Variants in DST observed in about 807,000 individuals in gnomAD.
DST encodes the protein dystonin.
A neutral mutation model predicts 875.2 loss-of-function variants in DST; 253 were observed. That is an observed-to-expected ratio of 0.29 (90% CI 0.26 to 0.32). DST has a LOEUF of 0.32. DST is among the 10% of genes least tolerant of loss of function. The pLI is 1.00. For missense variants in DST, 8,287 were observed against 9,111.6 expected, an observed-to-expected ratio of 0.91 and a Z score of 3.68; for synonymous variants, 3,124 against 3,197.1, an observed-to-expected ratio of 0.98 and a Z score of 0.77.
intron 4 of DST, among the ~76,000 whole-genome samples, chr6:56,747,346 A>T (rs2099575734): frequency 6.6e-6 from 1 of 152,116 alleles, no homozygotes; most frequent in Non-Finnish European, 1.5e-5. Flanking sequence ...GCCTTCCTGT[A>T]AGTGCAGTTG....
At chr6:56,855,029 G>T (rs1184338446) in intron 3 of DST, among the ~76,000 whole-genome samples, 1 of 152,214 alleles carries the variant, frequency 6.6e-6, no homozygotes, top group African/African-American at 2.4e-5. Context: ...AATTAGGGTA[G>T]TGAAGATAAA....
In DST at chr6:56,532,487, G is replaced by T. The variant is rs780127764; in HGVS notation, c.16965C>A (p.Asp5655Glu). 2 of 1,603,714 alleles carry T rather than the reference G, an allele frequency of 1.2e-6. No homozygotes were observed. The highest frequency in any genetic ancestry group is 8.5e-7 in the Non-Finnish European group (1 of 1,174,760). ...TGATTACCTCCACCGTAGATTTTCG[G>T]TCATCCAACAATCTCTGGAGAAGCT... ...EQKLLQRLLD[D>E]RKSTVEVIKR... is the part of the protein sequence containing the mutation. Residue 5655 changes from aspartate (D) to glutamate (E), a missense_variant, in exon 64 of 104, where the codon GAC (aspartate) becomes GAA (glutamate). Around this residue, in one of 10 missense-constraint regions of DST, gnomAD observed 777 missense variants for 764.8 expected, o/e 1.02. Transcript: ENST00000680361.
At chr6:56,735,162 C>A in intron 5 of DST, 66 bp downstream of exon 5, 1 of 1,072,996 alleles carries the variant, frequency 9.3e-7, no homozygotes, top group South Asian at 1.4e-5. Flanking sequence ...GCTATATAAT[C>A]AATTACTGCA....
intron 10 of DST, among the ~76,000 whole-genome samples, chr6:56,657,662 T>C (rs1232071483): frequency 2.0e-5 from 3 of 152,178 alleles, no homozygotes; most frequent in Non-Finnish European, 2.9e-5. Context: ...TGGATGGCGG[T>C]GATGGTTGTA....
intron 74 of DST, among the ~76,000 whole-genome samples, chr6:56,509,114 C>T (rs933395815): frequency 3.3e-5 from 5 of 152,090 alleles, no homozygotes; most frequent in African/African-American, 7.2e-5. Flanking sequence ...TAAAATTGTC[C>T]GTTCAGTCCC....
chr6:56,887,886 C>T (rs951454206), intron 3 of DST, among the ~76,000 whole-genome samples: 2 of 152,112 alleles, frequency 1.3e-5, no homozygotes, highest in African/African-American at 4.8e-5. Context: ...CATTCTTGTG[C>T]CCCTGTGCAT....
Position 56,672,311 on chromosome 6 carries a change from T to C in DST, c.1048-1504A>G, listed in dbSNP as rs559744591. 1.1e-4 allele frequency among the ~76,000 whole-genome samples: 16 copies of C among 152,286 alleles called. No individual in the cohort carries two copies. The East Asian group carries it at 1.4e-3, about 13-fold the overall frequency. On this transcript the variant is annotated intron_variant, in intron 9 of 103. Transcript: ENST00000680361. ...GTTCAGCAGAGGCTGCCATGCCCCA[T>C]GGAGCTTCACTCTCAGCCATAGTCT...
intron 4 of DST, among the ~76,000 whole-genome samples, chr6:56,777,157 A>C (rs2152985099): frequency 6.6e-6 from 1 of 152,232 alleles, no homozygotes; most frequent in East Asian, 1.9e-4. Flanking sequence ...ACTTGAATTA[A>C]CCCTGATTTA....
Position 56,477,502 on chromosome 6 carries a change from A to C in DST, c.21532-14T>G. The C allele has an allele frequency of 6.2e-7, 1 of 1,613,914 alleles. No individual in the cohort carries two copies. Among genetic ancestry groups the C allele is most frequent in the East Asian group, 2.2e-5 (1 of 44,884 alleles). ...CTTCATGAATTCCTACAGCAGAAAC[A>C]AAGACTTCAATTAACTGTTGGCATT... On this transcript the variant is annotated splice_polypyrimidine_tract_variant and intron_variant, in intron 90 of 103. Coordinates refer to ENST00000680361, the MANE Select transcript of DST (RefSeq NM_001374736.1).
chr6:56,628,206 A>G, intron 32 of DST, 45 bp from the exon 33 acceptor site: 2 of 1,549,004 alleles, frequency 1.3e-6, no homozygotes, highest in Non-Finnish European at 8.9e-7. Context: ...AGCGATATCC[A>G]TCAGGAGGGT....
chr6:56,771,702 A>T (rs562654387), intron 4 of DST, among the ~76,000 whole-genome samples: 4 of 152,224 alleles, frequency 2.6e-5, no homozygotes, highest in Admixed American at 6.5e-5. Context: ...TCACAACTAC[A>T]GGGAAAAAAC....
Position 56,608,096 on chromosome 6 carries a change from G to C in DST, c.6532C>G (p.Gln2178Glu). Residue 2178 changes from glutamine to glutamate, a missense_variant, in exon 40 of 104, where the codon CAA becomes GAA. Gln to Glu is a conservative substitution (Grantham distance 29). This residue lies in a region of DST where 3,138 missense variants were observed against 3,116.6 expected (regional missense o/e 1.01). Transcript: ENST00000680361. The part of the protein sequence containing the change: ...FQPSTVHDYR[Q>E]EEDVFDGEEP... The stretch of plus-strand genomic sequence containing the variant: ...TCTCCATCAAAAACATCCTCTTCTT[G>C]TCTGTAATCATGAACTGTGGAGGGT... 4.3e-6 allele frequency: 7 copies of C among 1,613,648 alleles called. No homozygotes were observed. The highest frequency in any genetic ancestry group is 5.1e-6 in the Non-Finnish European group (6 of 1,179,748).
Position 56,632,045 on chromosome 6 carries a change from G to C in DST, c.3806-5C>G. ...AAACTGATTCCTCTTGCTCCTCTGT[G>C]AAAATAAATATGTTTAGAAAATACC... is the stretch of plus-strand genomic sequence containing the variant. On this transcript the variant is annotated splice_polypyrimidine_tract_variant and splice_region_variant and intron_variant, in intron 28 of 103. Coordinates refer to ENST00000680361, the MANE Select transcript of DST (RefSeq NM_001374736.1). 6.2e-7 allele frequency: 1 copy of C among 1,607,244 alleles called. No individual in the cohort carries two copies. The highest frequency in any genetic ancestry group is 2.2e-5 in the East Asian group (1 of 44,816).
Position 56,734,969 on chromosome 6 carries a change from T to C in DST, c.687+259A>G, listed in dbSNP as rs16888135. 63,555 of 321,284 alleles carry C rather than the reference T, an allele frequency of 0.2. 8,356 individuals carry two copies. The highest frequency in any genetic ancestry group is 0.44 in the African/African-American group (19,877 of 45,468). The allele number at this position is 321,284 out of a possible 1,614,324, so 19.9% of individuals were successfully genotyped here. ...GATTTCTGAAACTTCTGAGATTTTA[T>C]AGATTCCAATAGTAACAGGTTTTAC... On this transcript the variant is annotated intron_variant, in intron 5 of 103. Coordinates refer to ENST00000680361, the MANE Select transcript of DST (RefSeq NM_001374736.1).
intron 27 of DST, among the ~76,000 whole-genome samples, 196 bp from the exon 28 acceptor site, chr6:56,633,233 C>CTTTTTTTTTTTTTTTT (rs61647189): frequency 9.4e-5 from 13 of 138,732 alleles, no homozygotes; most frequent in African/African-American, 3.6e-4. Context: ...GAGTTTCACT[C>CTTTTTTTTTTTTTTTT]TTTTTTTTTT....
rs372049401 is a variant in DST at position 56,492,423 on chromosome 6, T to C, written c.20561A>G (p.Asn6854Ser). ...CTGCTCACGATGAGAATTTACTTCA[T>C]TGGCAAAAACCTTTCCCAGAAAAAA... ...FQIDEHKVFA[N>S]EVNSHREQII... Residue 6854 changes from asparagine (N) to serine (S), a missense_variant, in exon 85 of 104, where the codon AAT becomes AGT. Transcript: ENST00000680361. 5.8e-5 allele frequency: 94 copies of C among 1,610,334 alleles called. No homozygotes were observed. In the East Asian group the frequency reaches 8.5e-4, roughly 15 times the overall value.
chr6:56,915,394 A>C (rs906784349), intron 2 of DST, among the ~76,000 whole-genome samples: 3 of 152,210 alleles, frequency 2.0e-5, no homozygotes, highest in Admixed American at 6.5e-5. Flanking sequence ...AAATGTTCAC[A>C]CTAAGCAAAG....
chr6:56,916,228 T>C lies in DST; in HGVS notation c.217-15607A>G, dbSNP rs146483617. Among the ~76,000 whole-genome samples the C allele has an allele frequency of 3.3e-3, 497 of 152,276 alleles. 5 individuals carry two copies. The highest frequency in any genetic ancestry group is 0.012 in the East Asian group (64 of 5,174). On this transcript the variant is annotated intron_variant, in intron 2 of 103. Coordinates refer to ENST00000680361, the MANE Select transcript of DST (RefSeq NM_001374736.1). Reference sequence around the variant, plus strand: ...GAAGAGCCATAGGACACTAGGTGATTAGTTCAAGCACAGCAGGACCTGGAC... The same window carrying C: ...GAAGAGCCATAGGACACTAGGTGATCAGTTCAAGCACAGCAGGACCTGGAC...
intron 2 of DST, among the ~76,000 whole-genome samples, chr6:56,910,773 C>A (rs926702899): frequency 6.6e-6 from 1 of 152,184 alleles, no homozygotes; most frequent in South Asian, 2.1e-4. Context: ...GCATGAGCCC[C>A]CGTGCTCGGC....
Sources: gnomAD v4.1 joint callset for allele counts (sites outside exome capture counted in the v4.1 genomes callset) on GRCh38, gnomAD v4.1.1 for gene constraint, gnomAD v4.1.1 regional missense constraint, MANE v1.5 for transcripts, NCBI Gene and HGNC (gene_info 2026-07-23, HGNC 2026-07-21) for gene names.